Variants in BTAF1 observed in about 807,000 individuals in gnomAD.
The protein encoded by BTAF1 is TATA-binding protein-associated factor 172.
Under a neutral mutation model 227.1 loss-of-function variants are expected in BTAF1, and 38 were observed. That is an observed-to-expected ratio of 0.17 (90% confidence interval 0.13 to 0.22). BTAF1 has a LOEUF of 0.22. Ranked by LOEUF, BTAF1 falls within the 10% of genes least tolerant of loss-of-function variation. BTAF1 has a pLI of 1.00. For synonymous variants in BTAF1, 742 were observed against 751.9 expected (o/e 0.99, Z 0.21); for missense variants, 1,598 against 2,204.0 (o/e 0.73, Z 5.51).
At chr10:92,019,882 G>A (rs903591263) in intron 34 of BTAF1, among the ~76,000 whole-genome samples, 2 of 116,472 alleles carry the variant, frequency 1.7e-5, no homozygotes, top group Admixed American at 1.1e-4. Context: ...GTTTTGTTTT[G>A]TTGTTGCTGT....
chr10:91,930,753 CTGAG>C (rs1394599347), intron 1 of BTAF1, among the ~76,000 whole-genome samples: 1 of 152,104 alleles, frequency 6.6e-6, no homozygotes, highest in African/African-American at 2.4e-5. Flanking sequence ...TCCTTACTTC[CTGAG>C]TAACACAGAA....
At chr10:91,967,219 G>A (rs1025002332) in intron 14 of BTAF1, among the ~76,000 whole-genome samples, 7 of 152,150 alleles carry the variant, frequency 4.6e-5, no homozygotes, top group Non-Finnish European at 8.8e-5. Context: ...AATCTTAAGA[G>A]CATGCTATTT....
At chr10:91,934,987 G>A (rs987324804) in intron 1 of BTAF1, among the ~76,000 whole-genome samples, 8 of 151,986 alleles carry the variant, frequency 5.3e-5, no homozygotes, top group Non-Finnish European at 1.0e-4. Context: ...TTCCTGCCAT[G>A]TATCTTATTG....
At chr10:91,926,468 A>C (rs894215227) in intron 1 of BTAF1, among the ~76,000 whole-genome samples, 1 of 152,100 alleles carries the variant, frequency 6.6e-6, no homozygotes, top group Admixed American at 6.5e-5. Context: ...CCAGTTACCA[A>C]ATCCAATCCT....
chr10:91,979,173 A>G (rs1045998626), intron 14 of BTAF1, among the ~76,000 whole-genome samples: 4 of 152,296 alleles, frequency 2.6e-5, no homozygotes, highest in African/African-American at 9.6e-5. Flanking sequence ...AAGACTGCAT[A>G]GTATTCCATG....
chr10:91,924,927 A>T (rs1484835246), intron 1 of BTAF1, among the ~76,000 whole-genome samples: 1 of 152,246 alleles, frequency 6.6e-6, no homozygotes, highest in African/African-American at 2.4e-5. Context: ...CTTAGAGTTG[A>T]TATGGTAACT....
At chr10:92,013,575 A>G (rs1564717962) in intron 30 of BTAF1, 92 bp from the exon 31 acceptor site, 6 of 1,473,942 alleles carry the variant, frequency 4.1e-6, no homozygotes, top group South Asian at 2.3e-5. Flanking sequence ...TCTCATCTAT[A>G]TGATTATAAT....
rs753906661 is a variant in BTAF1 at position 91,982,610 on chromosome 10, G to C, written c.2072G>C (p.Cys691Ser). The C allele has an allele frequency of 6.2e-7, 1 of 1,613,546 alleles. No homozygotes were observed. The highest frequency in any genetic ancestry group is 8.5e-7 in the Non-Finnish European group (1 of 1,179,734). ...AAKLLGALCCCICDPGVNVVT... is the reference protein window; with the variant it reads ...AAKLLGALCCSICDPGVNVVT... Reference sequence around the variant, plus strand: ...AGGTTGTTAGGAGCACTTTGTTGCTGTATTTGTGATCCAGGTGTAAATGTG... The same window carrying C: ...AGGTTGTTAGGAGCACTTTGTTGCTCTATTTGTGATCCAGGTGTAAATGTG... Residue 691 changes from cysteine (C) to serine (S), a missense_variant, in exon 18 of 38, where the codon TGT becomes TCT. Physicochemically the swap from Cys to Ser is moderately radical, Grantham distance 112. Transcript: ENST00000265990.
chr10:91,955,321 T>C (rs1041148256), intron 6 of BTAF1, among the ~76,000 whole-genome samples: 4 of 152,342 alleles, frequency 2.6e-5, no homozygotes, highest in African/African-American at 7.2e-5. Context: ...TTGCCAGGTA[T>C]TGTTCTAGGC....
intron 2 of BTAF1, among the ~76,000 whole-genome samples, chr10:91,936,062 T>G (rs185537628): frequency 1.2e-4 from 19 of 152,336 alleles, no homozygotes; most frequent in Non-Finnish European, 2.4e-4. Context: ...TAACTTGTTC[T>G]TAATGACTAA....
chr10:91,963,538 G>A (rs1457493150), intron 12 of BTAF1, among the ~76,000 whole-genome samples: 1 of 152,088 alleles, frequency 6.6e-6, no homozygotes, highest in East Asian at 1.9e-4. Flanking sequence ...CAGAGTGCTG[G>A]GGTTACTGGT....
At chr10:92,020,348 G>C (rs1851041264) in intron 34 of BTAF1, among the ~76,000 whole-genome samples, 1 of 152,000 alleles carries the variant, frequency 6.6e-6, no homozygotes, top group African/African-American at 2.4e-5. Context: ...AAAATTCTAG[G>C]ATTTCAAAAG....
chr10:91,980,931 T>C (rs1848022021), intron 15 of BTAF1, among the ~76,000 whole-genome samples: 1 of 152,172 alleles, frequency 6.6e-6, no homozygotes, highest in Non-Finnish European at 1.5e-5. Flanking sequence ...CTAATTATTG[T>C]TGAAACTTGT....
intron 20 of BTAF1, among the ~76,000 whole-genome samples, chr10:91,991,797 G>GTGTGTGTATA (rs1554860529): frequency 3.0e-4 from 3 of 10,008 alleles, no homozygotes; most frequent in African/African-American, 5.5e-4. Context: ...GTGTGTGTGT[G>GTGTGTGTATA]TATATATATA....
At chr10:91,937,901 A>G (rs901923269) in intron 2 of BTAF1, among the ~76,000 whole-genome samples, 1 of 152,216 alleles carries the variant, frequency 6.6e-6, no homozygotes, top group African/African-American at 2.4e-5. Flanking sequence ...ACAGTAGTGT[A>G]TGAGAACTTA....
chr10:92,019,049 G>T, intron 34 of BTAF1, 114 bp downstream of exon 34: 1 of 1,155,658 alleles, frequency 8.7e-7, no homozygotes, highest in Non-Finnish European at 1.2e-6. Context: ...TTTAAATTTG[G>T]TTAAATTTTT....
In BTAF1 at chr10:91,953,732, T is replaced by C. The variant is rs771555670; in HGVS notation, c.565-5T>C. On this transcript the variant is annotated splice_region_variant and splice_polypyrimidine_tract_variant and intron_variant, in intron 5 of 37. Coordinates refer to ENST00000265990, the MANE Select transcript of BTAF1 (RefSeq NM_003972.3). ...TTCCAACTCAGCATTCTTTTATTCT[T>C]TTAGACTCTTCAGGCAGCTGAATTG... is the stretch of plus-strand genomic sequence containing the variant. 3.7e-6 allele frequency: 6 copies of C among 1,612,464 alleles called. No homozygotes were observed. The highest frequency in any genetic ancestry group is 4.2e-6 in the Non-Finnish European group (5 of 1,179,582).
At chr10:92,014,924 A>T (rs1384922407) in intron 32 of BTAF1, among the ~76,000 whole-genome samples, 1 of 152,200 alleles carries the variant, frequency 6.6e-6, no homozygotes, top group African/African-American at 2.4e-5. Flanking sequence ...CAACACAATT[A>T]TATTTGTATA....
intron 1 of BTAF1, chr10:91,935,206 A>G (rs1004646242): frequency 1.3e-5 from 2 of 153,760 alleles, no homozygotes; most frequent in Non-Finnish European, 2.9e-5. Flanking sequence ...TCATATTAGC[A>G]TATTATTCAC....
Sources: allele counts gnomAD v4.1 joint callset (sites outside exome capture counted in the v4.1 genomes callset), GRCh38; gene constraint gnomAD v4.1.1; transcripts MANE v1.5; gene names NCBI Gene and HGNC (gene_info 2026-07-23, HGNC 2026-07-21).